Variants in KCNQ3 observed in about 807,000 individuals in gnomAD.
The protein encoded by KCNQ3 is potassium voltage-gated channel subfamily KQT member 3.
A neutral mutation model predicts 92.5 loss-of-function variants in KCNQ3; 30 were observed. The observed-to-expected ratio is 0.32, with a 90% CI of 0.24 to 0.44. The LOEUF (loss-of-function observed/expected upper bound fraction) is 0.44, where lower values mean the gene tolerates loss of function less well. Ranked by LOEUF, KCNQ3 falls within the 20% of genes least tolerant of loss-of-function variation. KCNQ3 has a pLI of 1.00. For synonymous variants in KCNQ3, 450 were observed against 468.8 expected (o/e 0.96, Z 0.52); for missense variants, 913 against 1,140.3 (o/e 0.80, Z 2.87).
intron 1 of KCNQ3, among the ~76,000 whole-genome samples, chr8:132,456,713 G>T (rs566484920): frequency 2.0e-5 from 3 of 151,762 alleles, no homozygotes; most frequent in Non-Finnish European, 4.4e-5. Context: ...CCAGGTTCAC[G>T]CCATTCTCCT....
chr8:132,134,314 G>C lies in KCNQ3; in HGVS notation c.1775C>G (p.Thr592Ser), dbSNP rs556421495. ...HKKSQKGSAFTFPSQQSPRNE... is the reference protein window; with the variant it reads ...HKKSQKGSAFSFPSQQSPRNE... ...CCTGGGAGATTGCTGGGATGGGAAG[G>C]TGAATGCTGACCCTTTCTGAGACTT... Residue 592 changes from threonine (T) to serine (S), a missense_variant, in exon 13 of 15, where the codon ACC becomes AGC. By Grantham distance (58) the Thr-to-Ser change is moderately conservative (BLOSUM62 1). Around this residue, in one of 6 missense-constraint regions of KCNQ3, gnomAD observed 375 missense variants for 376.4 expected, o/e 1.00. Transcript: ENST00000388996. 6.2e-6 allele frequency: 10 copies of C among 1,613,930 alleles called. No homozygotes were observed. The East Asian group carries it at 2.0e-4, about 32-fold the overall frequency.
At chr8:132,449,643 C>T (rs777767487) in intron 1 of KCNQ3, among the ~76,000 whole-genome samples, 16 of 152,162 alleles carry the variant, frequency 1.1e-4, no homozygotes, top group Non-Finnish European at 4.4e-5. Context: ...TGTGCTTACT[C>T]CTGTACCTGT....
intron 1 of KCNQ3, among the ~76,000 whole-genome samples, chr8:132,254,920 G>A (rs983589097): frequency 2.6e-5 from 4 of 152,116 alleles, no homozygotes; most frequent in Admixed American, 6.5e-5. Context: ...CAATGGTGAA[G>A]TAAGGACCTC....
intron 9 of KCNQ3, 147 bp from the exon 10 acceptor site, chr8:132,141,478 G>A (rs1825294851): frequency 2.4e-5 from 18 of 758,012 alleles, no homozygotes; most frequent in Non-Finnish European, 4.1e-5. Context: ...CAGCAGCTTG[G>A]AATCGGACAG....
intron 1 of KCNQ3, among the ~76,000 whole-genome samples, chr8:132,342,234 T>C (rs1301497239): frequency 6.6e-6 from 1 of 152,152 alleles, no homozygotes; most frequent in Admixed American, 6.5e-5. Flanking sequence ...TCTTTCACCA[T>C]ATCTCCTTTA....
chr8:132,338,000 T>C (rs917233874), intron 1 of KCNQ3, among the ~76,000 whole-genome samples: 1 of 152,142 alleles, frequency 6.6e-6, no homozygotes, highest in African/African-American at 2.4e-5. Context: ...TGGGGCTACA[T>C]AGGGATGGGC....
chr8:132,316,204 C>T (rs1029877197), intron 1 of KCNQ3, among the ~76,000 whole-genome samples: 9 of 152,014 alleles, frequency 5.9e-5, no homozygotes, highest in Non-Finnish European at 8.8e-5. Context: ...CTCAGTGGTG[C>T]ACTGTGGCAT....
At chr8:132,349,320 A>G (rs558224710) in intron 1 of KCNQ3, among the ~76,000 whole-genome samples, 2 of 152,350 alleles carry the variant, frequency 1.3e-5, no homozygotes, top group South Asian at 2.1e-4. Flanking sequence ...CTAGTATCTA[A>G]CGAGCGACTT....
intron 10 of KCNQ3, 145 bp from the exon 11 acceptor site, chr8:132,140,323 C>T: frequency 1.6e-6 from 1 of 619,694 alleles, no homozygotes; most frequent in South Asian, 1.9e-5. Context: ...CCACGGTATT[C>T]TCAAGCTGTG....
intron 1 of KCNQ3, among the ~76,000 whole-genome samples, chr8:132,250,726 A>T (rs555598335): frequency 9.9e-5 from 15 of 152,232 alleles, no homozygotes; most frequent in Non-Finnish European, 2.1e-4. Context: ...CACAGGATGC[A>T]TGGGCTCCTC....
chr8:132,139,960 A>G, intron 11 of KCNQ3, 116 bp downstream of exon 11: 1 of 705,074 alleles, frequency 1.4e-6, no homozygotes, highest in Non-Finnish European at 2.4e-6. Context: ...GGGTTAGTGG[A>G]GGGGCTTCTC....
At chr8:132,180,358 G>A (rs750106696) in intron 3 of KCNQ3, 29 bp from the exon 4 acceptor site, 1 of 1,612,402 alleles carries the variant, frequency 6.2e-7, no homozygotes. Flanking sequence ...AGAGTGGGAG[G>A]GAAGAGGGAA....
At chr8:132,295,946 G>A (rs1817008069) in intron 1 of KCNQ3, among the ~76,000 whole-genome samples, 2 of 152,282 alleles carry the variant, frequency 1.3e-5, no homozygotes, top group Non-Finnish European at 2.9e-5. Context: ...ATACCTAGGT[G>A]ATGGGTTGGT....
At chr8:132,178,723 A>G (rs1179138925) in intron 4 of KCNQ3, among the ~76,000 whole-genome samples, 2 of 151,908 alleles carry the variant, frequency 1.3e-5, no homozygotes, top group Non-Finnish European at 2.9e-5. Context: ...CATCCTTGAG[A>G]TAGAGAACCA....
At chr8:132,425,525 A>C (rs2130816847) in intron 1 of KCNQ3, among the ~76,000 whole-genome samples, 1 of 152,072 alleles carries the variant, frequency 6.6e-6, no homozygotes, top group South Asian at 2.1e-4. Flanking sequence ...TATCATCATT[A>C]CTCCTCTCTT....
intron 4 of KCNQ3, among the ~76,000 whole-genome samples, chr8:132,179,464 G>T (rs1178983159): frequency 1.3e-5 from 2 of 152,096 alleles, no homozygotes; most frequent in Non-Finnish European, 2.9e-5. Context: ...CTCTTTCTGT[G>T]TTTTCTTTCT....
intron 9 of KCNQ3, among the ~76,000 whole-genome samples, chr8:132,149,842 C>A (rs1361994843): frequency 1.3e-5 from 2 of 152,156 alleles, no homozygotes; most frequent in African/African-American, 4.8e-5. Context: ...AAGCAACTGG[C>A]TGGCATTCCC....
intron 1 of KCNQ3, among the ~76,000 whole-genome samples, chr8:132,380,571 T>A (rs1054074266): frequency 1.3e-5 from 2 of 151,926 alleles, no homozygotes; most frequent in Non-Finnish European, 2.9e-5. Flanking sequence ...ATGTCTGGAT[T>A]TCCCTCTCCA....
intron 1 of KCNQ3, among the ~76,000 whole-genome samples, chr8:132,458,852 T>C (rs1416029888): frequency 6.6e-6 from 1 of 152,256 alleles, no homozygotes; most frequent in Non-Finnish European, 1.5e-5. Context: ...CTTACATTAG[T>C]ATGATACATT....
Sources: allele counts gnomAD v4.1 joint callset (sites outside exome capture counted in the v4.1 genomes callset), GRCh38; gene constraint gnomAD v4.1.1; regional missense constraint gnomAD v4.1.1; transcripts MANE v1.5; gene names NCBI Gene and HGNC (gene_info 2026-07-23, HGNC 2026-07-21).